The following TRUB1 variants were observed in gnomAD, a reference collection of about 807,000 sequenced individuals.
TRUB1 encodes TruB pseudouridine synthase family member 1.
Under a neutral mutation model 33.9 loss-of-function variants are expected in TRUB1, and 23 were observed. The observed-to-expected ratio is 0.68, with a 90% CI of 0.49 to 0.96. The LOEUF (loss-of-function observed/expected upper bound fraction) is 0.96, where lower values mean the gene tolerates loss of function less well. Ranked by LOEUF, TRUB1 falls within the 40% of genes least tolerant of loss-of-function variation. TRUB1 has a pLI of 0.00. For synonymous variants in TRUB1, 163 were observed against 165.4 expected, an observed-to-expected ratio of 0.99 and a Z score of 0.11; for missense variants, 378 against 422.2, an observed-to-expected ratio of 0.90 and a Z score of 0.92.
At chr10:114,946,019 T>C (rs935016659) in intron 2 of TRUB1, among the ~76,000 whole-genome samples, 2 of 152,252 alleles carry the variant, frequency 1.3e-5, no homozygotes, top group Non-Finnish European at 1.5e-5. Flanking sequence ...TGTAGGTGTT[T>C]AGTCACAGAG....
At chr10:114,971,988 A>T (rs560220595) in intron 5 of TRUB1, 147 bp from the exon 6 acceptor site, 2 of 898,288 alleles carry the variant, frequency 2.2e-6, no homozygotes, top group East Asian at 5.4e-5. Context: ...AAATTCATTC[A>T]TTTTTTAGAA....
intron 3 of TRUB1, among the ~76,000 whole-genome samples, chr10:114,951,578 G>A (rs1414688017): frequency 6.6e-6 from 1 of 152,118 alleles, no homozygotes; most frequent in Non-Finnish European, 1.5e-5. Flanking sequence ...AAAGAGTAGG[G>A]CCTCTTTAAG....
chr10:114,947,432 T>C (rs2084216051), intron 2 of TRUB1, among the ~76,000 whole-genome samples: 1 of 152,220 alleles, frequency 6.6e-6, no homozygotes, highest in South Asian at 2.1e-4. Context: ...AATTTCTATA[T>C]ACCATTTCAA....
At position 114,976,211 on chromosome 10, in the gene TRUB1, TTATTTA is replaced by T. The variant is rs1367275550; in HGVS notation, c.*838_*843del. On this transcript the variant is annotated 3_prime_UTR_variant, in exon 8 of 8. Coordinates refer to ENST00000298746, the MANE Select transcript of TRUB1 (RefSeq NM_139169.5). ...AACTAAAAACTTTATTCTTTAGCAT[TTATTTA>T]TATTTCTCTGTAGGGTGTTCCCTGT... The T allele has an allele frequency of 7.4e-6, 1 of 134,858 alleles. No individual in the cohort carries two copies. Among genetic ancestry groups the T allele is most frequent in the Non-Finnish European group, 1.6e-5 (1 of 64,320 alleles). 8.4% of individuals were successfully genotyped at this position (134,858 alleles called of 1,614,324 possible). A position where few individuals can be genotyped will look rare whatever the true frequency, so the allele number is the denominator to read the frequency against.
At chr10:114,952,215 G>T (rs2084238908) in intron 3 of TRUB1, among the ~76,000 whole-genome samples, 1 of 152,192 alleles carries the variant, frequency 6.6e-6, no homozygotes, top group African/African-American at 2.4e-5. Flanking sequence ...GAGGCGGGCA[G>T]ATCACTTGAG....
chr10:114,968,030 A>T (rs541215759), intron 4 of TRUB1, among the ~76,000 whole-genome samples: 26 of 152,260 alleles, frequency 1.7e-4, no homozygotes, highest in African/African-American at 6.0e-4. Flanking sequence ...ATATACGAAA[A>T]ATTGTCTTTG....
chr10:114,943,582 CT>C (rs1209779428), intron 2 of TRUB1, among the ~76,000 whole-genome samples: 1 of 152,162 alleles, frequency 6.6e-6, no homozygotes, highest in Non-Finnish European at 1.5e-5. Flanking sequence ...TTCTAATGAG[CT>C]TCCCTGAGAG....
At chr10:114,956,525 A>G (rs2084262360) in intron 3 of TRUB1, among the ~76,000 whole-genome samples, 1 of 152,192 alleles carries the variant, frequency 6.6e-6, no homozygotes, top group South Asian at 2.1e-4. Flanking sequence ...TGGATAATTG[A>G]ATAAAATTGA....
rs200809062 is a variant in TRUB1, at chr10:114,938,211, C to T, written c.-43C>T. ...GTCAGGCGCACTCTTGTTGCATCAT[C>T]AGCGTGCACCTCCACGATGAAACAG... On this transcript the variant is annotated 5_prime_UTR_variant, in exon 1 of 8. Coordinates refer to ENST00000298746, the MANE Select transcript of TRUB1 (RefSeq NM_139169.5). 610 of 1,599,270 alleles carry T rather than the reference C, an allele frequency of 3.8e-4. 2 individuals carry two copies. In the African/African-American group the frequency reaches 7.3e-3, roughly 19 times the overall value.
chr10:114,970,786 G>T (rs1268917320), intron 5 of TRUB1, among the ~76,000 whole-genome samples: 5 of 152,212 alleles, frequency 3.3e-5, no homozygotes, highest in Admixed American at 2.0e-4. Context: ...TCCCGTCTGG[G>T]AGGGAAGTCA....
chr10:114,942,635 T>G lies in TRUB1; in HGVS notation c.287-10T>G, dbSNP rs373850708. The G allele has an allele frequency of 1.3e-6, 2 of 1,596,548 alleles. No homozygotes were observed. The highest frequency in any genetic ancestry group is 1.7e-6 in the Non-Finnish European group (2 of 1,164,370). ...GTGATCACCTTTTTTCATCCCCATT[T>G]CTCTCATAGAAGCTGGAATGCCTTC... On this transcript the variant is annotated splice_polypyrimidine_tract_variant and intron_variant, in intron 1 of 7. Transcript: ENST00000298746.
chr10:114,970,667 T>C (rs1166056446), intron 5 of TRUB1, among the ~76,000 whole-genome samples: 1 of 152,192 alleles, frequency 6.6e-6, no homozygotes, highest in Non-Finnish European at 1.5e-5. Context: ...CAGCCTGGCA[T>C]CTGTGCTATT....
At chr10:114,951,889 T>A (rs193043694) in intron 3 of TRUB1, among the ~76,000 whole-genome samples, 23 of 152,320 alleles carry the variant, frequency 1.5e-4, no homozygotes, top group African/African-American at 5.5e-4. Flanking sequence ...AAACTTTGTT[T>A]TAAAACTCTT....
At chr10:114,957,830 T>TA (rs1337494089) in intron 3 of TRUB1, among the ~76,000 whole-genome samples, 5 of 152,184 alleles carry the variant, frequency 3.3e-5, no homozygotes, top group Non-Finnish European at 7.4e-5. Flanking sequence ...ATGGTTTTCT[T>TA]ATGCAACTAA....
intron 4 of TRUB1, among the ~76,000 whole-genome samples, chr10:114,961,737 T>C (rs988442628): frequency 6.6e-6 from 1 of 152,224 alleles, no homozygotes; most frequent in African/African-American, 2.4e-5. Context: ...ATGATTTTTC[T>C]GTGTGCTTTC....
chr10:114,940,736 G>T (rs979096744), intron 1 of TRUB1, among the ~76,000 whole-genome samples: 1 of 152,196 alleles, frequency 6.6e-6, no homozygotes, highest in Non-Finnish European at 1.5e-5. Flanking sequence ...TATTTATGGG[G>T]CCTTCTTACT....
intron 1 of TRUB1, among the ~76,000 whole-genome samples, chr10:114,940,551 T>C (rs979599070): frequency 1.3e-5 from 2 of 152,232 alleles, no homozygotes; most frequent in Non-Finnish European, 2.9e-5. Context: ...CTCTACTGTT[T>C]GTCTGTTGGG....
chr10:114,959,650 G>T (rs2084276741), intron 3 of TRUB1, 76 bp from the exon 4 acceptor site: 1 of 906,484 alleles, frequency 1.1e-6, no homozygotes. Context: ...GTGAAATTCT[G>T]TGTAAACTTC....
chr10:114,976,232 G>T lies in TRUB1; in HGVS notation c.*853G>T, dbSNP rs1001563182. On this transcript the variant is annotated 3_prime_UTR_variant, in exon 8 of 8. Coordinates refer to ENST00000298746, the MANE Select transcript of TRUB1 (RefSeq NM_139169.5). ...GCATTTATTTATATTTCTCTGTAGG[G>T]TGTTCCCTGTGACATTGTCTCTTTA... 3 of 112,774 alleles carry T rather than the reference G, an allele frequency of 2.7e-5. No homozygotes were observed. The highest frequency in any genetic ancestry group is 1.7e-4 in the African/African-American group (3 of 17,332). 7.0% of individuals were successfully genotyped at this position (112,774 alleles called of 1,614,324 possible).
Sources: gnomAD v4.1 joint callset for allele counts (sites outside exome capture counted in the v4.1 genomes callset) on GRCh38, gnomAD v4.1.1 for gene constraint, MANE v1.5 for transcripts, NCBI Gene and HGNC (gene_info 2026-07-23, HGNC 2026-07-21) for gene names.